MSI2: variants seen among roughly 807,000 people sequenced by gnomAD.
MSI2 encodes RNA-binding protein Musashi homolog 2.
A neutral mutation model predicts 45.6 loss-of-function variants in MSI2; 17 were observed. That is an observed-to-expected ratio of 0.37 (90% CI 0.26 to 0.56). The LOEUF is 0.56. Among genes scored for constraint, MSI2 ranks in the 20% least tolerant of loss-of-function variants. The pLI is 0.77. For synonymous variants in MSI2, 156 were observed against 158.2 expected (o/e 0.99, Z 0.11); for missense variants, 293 against 444.2 (o/e 0.66, Z 3.06).
chr17:57,533,382 T>C (rs1382868407), intron 7 of MSI2, among the ~76,000 whole-genome samples: 3 of 152,238 alleles, frequency 2.0e-5, no homozygotes, highest in Admixed American at 6.5e-5. Context: ...ACCTTTCTCC[T>C]TGCAGATGGG....
intron 5 of MSI2, among the ~76,000 whole-genome samples, chr17:57,363,267 T>G (rs1340737603): frequency 1.3e-5 from 2 of 152,214 alleles, no homozygotes; most frequent in African/African-American, 2.4e-5. Context: ...AAAAGGAGAT[T>G]ATGGCTCCTC....
chr17:57,480,264 C>T (rs542551796), intron 6 of MSI2, among the ~76,000 whole-genome samples: 28 of 152,220 alleles, frequency 1.8e-4, no homozygotes, highest in East Asian at 1.9e-4. Context: ...CGCCCAGCCA[C>T]GAAGGCTCTT....
intron 5 of MSI2, among the ~76,000 whole-genome samples, chr17:57,376,499 C>G (rs2083498957): frequency 2.0e-5 from 3 of 152,326 alleles, no homozygotes; most frequent in Non-Finnish European, 4.4e-5. Context: ...ATGGGCCAAG[C>G]ACGGCAGGTG....
chr17:57,548,244 A>G (rs2087216939), intron 7 of MSI2, among the ~76,000 whole-genome samples: 1 of 152,142 alleles, frequency 6.6e-6, no homozygotes, highest in Non-Finnish European at 1.5e-5. Context: ...CTTAACCTGT[A>G]CAGAGGGGCT....
chr17:57,295,728 C>T (rs1910862025), intron 5 of MSI2, among the ~76,000 whole-genome samples: 2 of 152,270 alleles, frequency 1.3e-5, no homozygotes, highest in South Asian at 4.1e-4. Context: ...AGCTGTCTTG[C>T]TGATTCAATC....
chr17:57,272,652 G>A (rs1335130753), intron 5 of MSI2, among the ~76,000 whole-genome samples: 1 of 152,212 alleles, frequency 6.6e-6, no homozygotes, highest in Non-Finnish European at 1.5e-5. Context: ...AACCTTGGGG[G>A]TAGAAGAAGG....
At chr17:57,348,496 C>T (rs991917913) in intron 5 of MSI2, among the ~76,000 whole-genome samples, 1 of 152,092 alleles carries the variant, frequency 6.6e-6, no homozygotes, top group Non-Finnish European at 1.5e-5. Flanking sequence ...TAGTGTCATC[C>T]CCTTAGTCAT....
intron 5 of MSI2, among the ~76,000 whole-genome samples, chr17:57,380,452 C>A (rs180890709): frequency 5.3e-5 from 8 of 152,262 alleles, no homozygotes; most frequent in Admixed American, 3.9e-4. Flanking sequence ...TGGTTAGTAG[C>A]GGTGCTTGTC....
intron 5 of MSI2, among the ~76,000 whole-genome samples, chr17:57,322,172 G>C (rs1913405653): frequency 6.6e-6 from 1 of 152,186 alleles, no homozygotes; most frequent in Non-Finnish European, 1.5e-5. Flanking sequence ...ACAGTACTGA[G>C]ACCAGAGCTC....
chr17:57,582,226 G>A (rs1027043815), intron 7 of MSI2, among the ~76,000 whole-genome samples: 1 of 152,024 alleles, frequency 6.6e-6, no homozygotes, highest in African/African-American at 2.4e-5. Context: ...AGTCCATGAT[G>A]TACCATCTCA....
At chr17:57,502,099 T>TG (rs2086119432) in intron 6 of MSI2, among the ~76,000 whole-genome samples, 1 of 151,978 alleles carries the variant, frequency 6.6e-6, no homozygotes, top group Admixed American at 6.5e-5. Context: ...ACCAGCGATG[T>TG]GGGGCTCTCC....
chr17:57,282,190 G>T (rs546598329), intron 5 of MSI2, among the ~76,000 whole-genome samples: 3 of 152,002 alleles, frequency 2.0e-5, no homozygotes, highest in African/African-American at 4.8e-5. Flanking sequence ...TGTGTGTTGT[G>T]GTCTTTTATT....
At chr17:57,382,796 A>G (rs2083619752) in intron 5 of MSI2, among the ~76,000 whole-genome samples, 1 of 152,268 alleles carries the variant, frequency 6.6e-6, no homozygotes, top group African/African-American at 2.4e-5. Flanking sequence ...AGTTAAAACT[A>G]AGCCAAATGT....
intron 5 of MSI2, among the ~76,000 whole-genome samples, chr17:57,272,003 C>A (rs1908420562): frequency 6.6e-6 from 1 of 152,008 alleles, no homozygotes; most frequent in Non-Finnish European, 1.5e-5. Context: ...CCTAGTGTAG[C>A]AAAATGTGAT....
At chr17:57,429,810 C>T (rs10852999) in intron 6 of MSI2, among the ~76,000 whole-genome samples, 127,208 of 152,016 alleles carry the variant, frequency 0.84, 54,202 homozygotes, top group Non-Finnish European at 0.91. Context: ...AACCAGCATT[C>T]TGGTGTGTGT....
intron 6 of MSI2, among the ~76,000 whole-genome samples, chr17:57,507,256 T>C (rs1036614323): frequency 2.4e-4 from 36 of 151,058 alleles, no homozygotes; most frequent in African/African-American, 8.5e-4. Context: ...TGTGTGTGTG[T>C]GTGTGTGTGT....
intron 7 of MSI2, among the ~76,000 whole-genome samples, chr17:57,575,147 T>TCCCCCCCCCCCCC (rs371180511): frequency 1.8e-4 from 22 of 119,540 alleles, no homozygotes; most frequent in African/African-American, 3.6e-4. Context: ...CTTTTTTAAC[T>TCCCCCCCCCCCCC]CCCTCCCCCC....
rs1021244669 is a variant in MSI2, at chr17:57,280,928, A to G, written c.312+18736A>G. Among the ~76,000 whole-genome samples, 4 of 152,058 alleles carry G rather than the reference A, an allele frequency of 2.6e-5. No homozygotes were observed. The highest frequency in any genetic ancestry group is 9.7e-5 in the African/African-American group (4 of 41,408). ...AATGAGTTTTAGGGTGGGGGTGGCCAGGTCAGATGGGTGTTGGGGAAAGAG... is the reference window on the plus strand; with the variant it reads ...AATGAGTTTTAGGGTGGGGGTGGCCGGGTCAGATGGGTGTTGGGGAAAGAG... On this transcript the variant is annotated intron_variant, in intron 5 of 13. Transcript: ENST00000284073. This position sits in a 1 kb window ranked among gnomAD's most constrained non-coding sequence, Gnocchi z 4.2.
intron 7 of MSI2, among the ~76,000 whole-genome samples, chr17:57,550,774 C>G (rs1184570574): frequency 6.6e-6 from 1 of 152,078 alleles, no homozygotes; most frequent in Non-Finnish European, 1.5e-5. Flanking sequence ...AAACTCAGAG[C>G]AGGGTTAGAC....
Sources: allele counts gnomAD v4.1 joint callset (sites outside exome capture counted in the v4.1 genomes callset), GRCh38; gene constraint gnomAD v4.1.1; non-coding constraint Gnocchi (gnomAD v3.1); transcripts MANE v1.5; gene names NCBI Gene and HGNC (gene_info 2026-07-23, HGNC 2026-07-21).